Variants in DCHS2 observed in about 807,000 individuals in gnomAD.
DCHS2 encodes the protein protocadherin-23.
In DCHS2, 142 loss-of-function variants were observed where a neutral mutation model predicts 182.4. The observed-to-expected ratio is 0.78, with a 90% CI of 0.68 to 0.89. DCHS2 has a LOEUF of 0.89. Among genes scored for constraint, DCHS2 ranks in the 40% least tolerant of loss-of-function variants. The pLI, the probability that DCHS2 is intolerant of heterozygous loss-of-function variation, is 0.00. For missense variants in DCHS2, 4,319 were observed against 4,198.6 expected (o/e 1.03, Z -0.79); for synonymous variants, 1,740 against 1,663.3 (o/e 1.05, Z -1.12).
chr4:154,398,965 C>T (rs1732044830), intron 1 of DCHS2, among the ~76,000 whole-genome samples: 1 of 152,180 alleles, frequency 6.6e-6, no homozygotes. Flanking sequence ...TCCCCATCAC[C>T]CCCGCCTTCT....
At chr4:154,367,563 C>T (rs1472112505) in intron 2 of DCHS2, among the ~76,000 whole-genome samples, 1 of 152,148 alleles carries the variant, frequency 6.6e-6, no homozygotes, top group Non-Finnish European at 1.5e-5. Context: ...TAATCCTCTG[C>T]AATTTTTACT....
intron 1 of DCHS2, among the ~76,000 whole-genome samples, chr4:154,409,905 C>G (rs1732550955): frequency 6.6e-6 from 1 of 152,236 alleles, no homozygotes. Context: ...ATAGTCATCA[C>G]TGACATTGAT....
intron 14 of DCHS2, among the ~76,000 whole-genome samples, chr4:154,264,166 G>C (rs1483845518): frequency 1.3e-5 from 2 of 152,120 alleles, no homozygotes; most frequent in Non-Finnish European, 2.9e-5. Flanking sequence ...ATTCAACTGA[G>C]GCTTCAGAGA....
At chr4:154,433,179 G>A (rs1733626336) in intron 1 of DCHS2, among the ~76,000 whole-genome samples, 1 of 152,036 alleles carries the variant, frequency 6.6e-6, no homozygotes, top group Non-Finnish European at 1.5e-5. Flanking sequence ...AACCAGAGAG[G>A]AAACAGGCCA....
Position 154,473,936 on chromosome 4 carries a change from G to T in DCHS2, c.2052+15368C>A, listed in dbSNP as rs556320566. ...AAGTACCACAAACTAACTGGCTTGA[G>T]ACAACAGAAATTCATTATCTCACAG... On this transcript the variant is annotated intron_variant, in intron 1 of 19. Coordinates refer to ENST00000357232, the MANE Select transcript of DCHS2 (RefSeq NM_001358235.2). Among the ~76,000 whole-genome samples the T allele has an allele frequency of 7.2e-5, 11 of 152,302 alleles. No individual in the cohort carries two copies. In the South Asian group the frequency reaches 1.4e-3, roughly 20 times the overall value.
chr4:154,464,854 G>A (rs922215475), intron 1 of DCHS2, among the ~76,000 whole-genome samples: 3 of 152,146 alleles, frequency 2.0e-5, no homozygotes, highest in African/African-American at 7.2e-5. Context: ...GGCTGTTCCT[G>A]AGGAGTAAAG....
intron 2 of DCHS2, among the ~76,000 whole-genome samples, chr4:154,373,136 C>T (rs1431995152): frequency 3.3e-5 from 5 of 152,158 alleles, no homozygotes; most frequent in Non-Finnish European, 5.9e-5. Flanking sequence ...AATCCAACAA[C>T]GTAAACCTAA....
intron 1 of DCHS2, among the ~76,000 whole-genome samples, chr4:154,471,378 C>G (rs980284508): frequency 1.3e-5 from 2 of 152,050 alleles, no homozygotes; most frequent in African/African-American, 4.8e-5. Flanking sequence ...CTGATAATAC[C>G]CTTTTCATAT....
intron 9 of DCHS2, among the ~76,000 whole-genome samples, chr4:154,319,266 AG>A (rs1301270598): frequency 6.6e-6 from 1 of 152,146 alleles, no homozygotes; most frequent in African/African-American, 2.4e-5. Context: ...CAGAGGGGAA[AG>A]CTTTGTGAAG....
intron 9 of DCHS2, among the ~76,000 whole-genome samples, chr4:154,318,257 ATAAG>A (rs1469016407): frequency 6.6e-6 from 1 of 151,392 alleles, no homozygotes; most frequent in African/African-American, 2.4e-5. Flanking sequence ...ATATACATAT[ATAAG>A]TTAAACAACA....
intron 1 of DCHS2, among the ~76,000 whole-genome samples, chr4:154,479,881 T>C (rs1040046139): frequency 1.3e-5 from 2 of 152,162 alleles, no homozygotes; most frequent in African/African-American, 4.8e-5. Flanking sequence ...GACAATTAGA[T>C]TCTACACAAG....
At chr4:154,251,892 TA>T (rs1327144029) in intron 16 of DCHS2, among the ~76,000 whole-genome samples, 1 of 152,196 alleles carries the variant, frequency 6.6e-6, no homozygotes, top group Non-Finnish European at 1.5e-5. Context: ...TCATGCTTGA[TA>T]AATAGCTTTT....
chr4:154,465,519 A>G (rs1735202978), intron 1 of DCHS2, among the ~76,000 whole-genome samples: 1 of 152,110 alleles, frequency 6.6e-6, no homozygotes, highest in Admixed American at 6.5e-5. Context: ...AAATGCAAAA[A>G]TTAGCCAGGC....
intron 1 of DCHS2, among the ~76,000 whole-genome samples, chr4:154,384,801 T>C (rs1731328554): frequency 6.6e-6 from 1 of 151,992 alleles, no homozygotes; most frequent in Non-Finnish European, 1.5e-5. Context: ...AGATAAAGAA[T>C]GGATTGACCC....
In DCHS2 at chr4:154,489,511, G is replaced by T; in HGVS notation, c.1845C>A (p.Ile615=). ...CTCGGTCTAGAGTCCGGATAGTGCT[G>T]ATCGCACCGCTTTCGGAATCAATGG... ...SFAIDSESGA[I]STIRTLDREV... The change falls in exon 1 of 20, where the codon ATC becomes ATA. Residue 615 remains isoleucine (I), a synonymous_variant. Transcript: ENST00000357232. 1 of 1,551,680 alleles carries T rather than the reference G, an allele frequency of 6.4e-7. No homozygotes were observed. The highest frequency in any genetic ancestry group is 8.7e-7 in the Non-Finnish European group (1 of 1,146,976).
At chr4:154,314,510 G>A (rs1216822412) in intron 10 of DCHS2, among the ~76,000 whole-genome samples, 1 of 152,172 alleles carries the variant, frequency 6.6e-6, no homozygotes, top group Non-Finnish European at 1.5e-5. Flanking sequence ...CCCTTGAAAA[G>A]AGTGTTAGTA....
At chr4:154,263,132 T>C (rs11099943) in intron 14 of DCHS2, among the ~76,000 whole-genome samples, 58,124 of 151,932 alleles carry the variant, frequency 0.38, 11,380 homozygotes, top group East Asian at 0.51. Flanking sequence ...ATAAATATTA[T>C]TGATTTATTA....
In DCHS2 at chr4:154,347,938, A is replaced by G. The variant is rs564409050; in HGVS notation, c.2477-12834T>C. 2.9e-3 allele frequency among the ~76,000 whole-genome samples: 447 copies of G among 152,060 alleles called. 15 individuals carry two copies. The highest frequency in any genetic ancestry group is 0.01 in the African/African-American group (418 of 41,326). On this transcript the variant is annotated intron_variant, in intron 3 of 19. Coordinates refer to ENST00000357232, the MANE Select transcript of DCHS2 (RefSeq NM_001358235.2). ...AGACTTATCTAAACCAGTCCTGGAT[A>G]GATGTATATTTTGCATTTGTCCCAC...
chr4:154,363,486 A>G (rs1011899840), intron 3 of DCHS2, among the ~76,000 whole-genome samples: 4 of 152,208 alleles, frequency 2.6e-5, no homozygotes, highest in Non-Finnish European at 5.9e-5. Flanking sequence ...GCATGGTCTC[A>G]CTTTTACATG....
Sources: gnomAD v4.1 joint callset for allele counts (sites outside exome capture counted in the v4.1 genomes callset) on GRCh38, gnomAD v4.1.1 for gene constraint, MANE v1.5 for transcripts, NCBI Gene and HGNC (gene_info 2026-07-23, HGNC 2026-07-21) for gene names.